The following LDLRAD3 variants were observed in gnomAD, a reference collection of about 807,000 sequenced individuals.
LDLRAD3 encodes the protein low-density lipoprotein receptor class A domain-containing protein 3.
A neutral mutation model predicts 29.4 loss-of-function variants in LDLRAD3; 20 were observed. The observed-to-expected ratio is 0.68, with a 90% confidence interval of 0.48 to 0.99. The LOEUF (loss-of-function observed/expected upper bound fraction) is 0.99, where lower values mean the gene tolerates loss of function less well. LDLRAD3 is among the 50% of genes least tolerant of loss of function. LDLRAD3 has a pLI of 0.00. For missense variants in LDLRAD3, 420 were observed against 454.3 expected (o/e 0.92, Z 0.69); for synonymous variants, 157 against 192.7 (o/e 0.81, Z 1.53).
chr11:36,147,665 T>C (rs1335863811), intron 4 of LDLRAD3, among the ~76,000 whole-genome samples: 1 of 152,160 alleles, frequency 6.6e-6, no homozygotes, highest in Admixed American at 6.5e-5. Context: ...CAATCAGTGT[T>C]TCAGAATATC....
At chr11:36,022,469 A>G (rs7927137) in intron 1 of LDLRAD3, among the ~76,000 whole-genome samples, 15,392 of 152,076 alleles carry the variant, frequency 0.1, 906 homozygotes, top group African/African-American at 0.16. Context: ...TGAGTGATAC[A>G]CAGTGAGAAT....
intron 3 of LDLRAD3, 88 bp from the exon 4 acceptor site, chr11:36,098,239 G>T: frequency 6.7e-7 from 1 of 1,496,538 alleles, no homozygotes; most frequent in South Asian, 1.2e-5. Flanking sequence ...CTTCCTGAGC[G>T]GGACACACGC....
chr11:36,088,979 C>A (rs910214262), intron 3 of LDLRAD3, among the ~76,000 whole-genome samples: 4 of 152,232 alleles, frequency 2.6e-5, no homozygotes, highest in Non-Finnish European at 5.9e-5. Context: ...CCCACACTTA[C>A]TGTCTTCCCT....
intron 4 of LDLRAD3, among the ~76,000 whole-genome samples, chr11:36,145,624 G>A (rs371385345): frequency 6.6e-6 from 1 of 151,586 alleles, no homozygotes; most frequent in East Asian, 2.0e-4. Flanking sequence ...TGTAGAAAGA[G>A]GTAGACATGG....
chr11:36,222,528 A>G (rs186157286), intron 4 of LDLRAD3, among the ~76,000 whole-genome samples: 268 of 152,322 alleles, frequency 1.8e-3, no homozygotes, highest in African/African-American at 6.1e-3. Context: ...AGACCTGGCC[A>G]GCAGTATATG....
intron 1 of LDLRAD3, among the ~76,000 whole-genome samples, chr11:36,003,124 A>AGTTTTT (rs1851844632): frequency 6.6e-6 from 1 of 152,224 alleles, no homozygotes; most frequent in Admixed American, 6.5e-5. Flanking sequence ...GTTGATAAAG[A>AGTTTTT]GAAAATGCCC....
At chr11:36,077,177 C>T (rs1214728712) in intron 2 of LDLRAD3, among the ~76,000 whole-genome samples, 2 of 152,096 alleles carry the variant, frequency 1.3e-5, no homozygotes, top group Non-Finnish European at 2.9e-5. Context: ...GATATCAGTT[C>T]CCCATGTTTT....
intron 4 of LDLRAD3, among the ~76,000 whole-genome samples, chr11:36,151,481 C>T (rs1317960328): frequency 2.0e-5 from 3 of 152,158 alleles, no homozygotes; most frequent in Non-Finnish European, 2.9e-5. Flanking sequence ...ACTAAGGCTA[C>T]AAATGTTAAG....
At chr11:35,965,488 A>G (rs1590689986) in intron 1 of LDLRAD3, among the ~76,000 whole-genome samples, 1 of 152,162 alleles carries the variant, frequency 6.6e-6, no homozygotes, top group African/African-American at 2.4e-5. Context: ...GCTGGGGGCC[A>G]TGGGAGGGTG....
At chr11:36,034,967 C>T (rs1042479908) in intron 1 of LDLRAD3, among the ~76,000 whole-genome samples, 3 of 152,176 alleles carry the variant, frequency 2.0e-5, no homozygotes, top group African/African-American at 7.2e-5. Context: ...AATCAGGGAC[C>T]TTCTCTTCTG....
In LDLRAD3 at chr11:36,089,108, A is replaced by C. The variant is rs114742364; in HGVS notation, c.319+7330A>C. Reference sequence around the variant, plus strand: ...GACAAACATATACTGAATAAATGGTACTTCTCATGCTTTCTCGTAATGGCA... The same window carrying C: ...GACAAACATATACTGAATAAATGGTCCTTCTCATGCTTTCTCGTAATGGCA... On this transcript the variant is annotated intron_variant, in intron 3 of 5. Transcript: ENST00000315571. Among the ~76,000 whole-genome samples the C allele has an allele frequency of 2.7e-3, 414 of 152,328 alleles. 3 individuals carry two copies. Among genetic ancestry groups the C allele is most frequent in the African/African-American group, 9.4e-3 (392 of 41,580 alleles).
chr11:36,188,736 G>C (rs1422452128), intron 4 of LDLRAD3, among the ~76,000 whole-genome samples: 3 of 152,200 alleles, frequency 2.0e-5, no homozygotes, highest in Non-Finnish European at 2.9e-5. Flanking sequence ...AAGCACAGCT[G>C]AGAATGGGGG....
intron 4 of LDLRAD3, among the ~76,000 whole-genome samples, chr11:36,118,075 G>A (rs539577062): frequency 1.2e-4 from 18 of 152,268 alleles, no homozygotes; most frequent in African/African-American, 4.1e-4. Context: ...CAGTGTTGGC[G>A]TAGGGGTGGA....
At chr11:35,961,601 A>C (rs2133135920) in intron 1 of LDLRAD3, among the ~76,000 whole-genome samples, 1 of 152,294 alleles carries the variant, frequency 6.6e-6, no homozygotes, top group Non-Finnish European at 1.5e-5. Flanking sequence ...TGGGAGTGTC[A>C]TTTATCTCAA....
intron 1 of LDLRAD3, among the ~76,000 whole-genome samples, chr11:35,965,086 T>G (rs893556451): frequency 1.4e-4 from 22 of 151,804 alleles, no homozygotes; most frequent in African/African-American, 5.3e-4. Flanking sequence ...TTCCCAGGCT[T>G]GGATATTATG....
intron 1 of LDLRAD3, among the ~76,000 whole-genome samples, chr11:36,031,586 G>A (rs1272431354): frequency 2.6e-5 from 4 of 152,220 alleles, no homozygotes; most frequent in Non-Finnish European, 5.9e-5. Context: ...ACTGAACACA[G>A]TTGAACAAAA....
chr11:36,167,492 GAC>G lies in LDLRAD3; in HGVS notation c.455-59589_455-59588del, dbSNP rs1227734610. On this transcript the variant is annotated intron_variant, in intron 4 of 5. Transcript: ENST00000315571. Reference sequence around the variant, plus strand: ...GTCCCTGTAAGAAGAAGGAATTTTGGACACAGAGACACAGACTCACAGGACCA... The same window carrying G: ...GTCCCTGTAAGAAGAAGGAATTTTGGACAGAGACACAGACTCACAGGACCA... 5.5e-3 allele frequency among the ~76,000 whole-genome samples: 59 copies of G among 10,788 alleles called. No individual in the cohort carries two copies. In the Non-Finnish European group the frequency reaches 0.081, roughly 15 times the overall value. 7.1% of individuals were successfully genotyped at this position (10,788 alleles called of 152,430 possible).
chr11:36,221,588 C>T (rs189569159), intron 4 of LDLRAD3, among the ~76,000 whole-genome samples: 2 of 152,086 alleles, frequency 1.3e-5, no homozygotes, highest in East Asian at 3.9e-4. Flanking sequence ...ATCGCTTGAG[C>T]CTAAGAGTTC....
In LDLRAD3 at chr11:36,003,922, A is replaced by G. The variant is rs574659140; in HGVS notation, c.47-32181A>G. Among the ~76,000 whole-genome samples the G allele has an allele frequency of 2.0e-5, 3 of 152,194 alleles. No homozygotes were observed. In the East Asian group the frequency reaches 5.8e-4, roughly 29 times the overall value. ...GAGAGAGAGTGAAGGGGGAAGTGCC[A>G]CACACTTTTAAACCATCAGATCTCA... On this transcript the variant is annotated intron_variant, in intron 1 of 5. Coordinates refer to ENST00000315571, the MANE Select transcript of LDLRAD3 (RefSeq NM_174902.4).
Sources: allele counts gnomAD v4.1 joint callset (sites outside exome capture counted in the v4.1 genomes callset), GRCh38; gene constraint gnomAD v4.1.1; transcripts MANE v1.5; gene names NCBI Gene and HGNC (gene_info 2026-07-23, HGNC 2026-07-21).